ITPRIP: variants seen among roughly 807,000 people sequenced by gnomAD.
The protein encoded by ITPRIP is inositol 1,4,5-trisphosphate receptor-interacting protein.
Under a neutral mutation model 35.8 loss-of-function variants are expected in ITPRIP, and 32 were observed. The ratio of observed to expected loss-of-function variants is 0.89; its 90% CI spans 0.68 to 1.20. ITPRIP has a LOEUF of 1.20. ITPRIP is among the 50% of genes most tolerant of loss of function. ITPRIP has a pLI of 0.00. For missense variants in ITPRIP, 653 were observed against 735.6 expected (o/e 0.89, Z 1.30); for synonymous variants, 358 against 324.0 (o/e 1.11, Z -1.13).
At position 104,314,287 on chromosome 10, in the gene ITPRIP, G is replaced by A. The variant is rs1453298652; in HGVS notation, c.*121C>T. The A allele has an allele frequency of 1.3e-6, 2 of 1,507,870 alleles. No homozygotes were observed. Among genetic ancestry groups the A allele is most frequent in the East Asian group, 4.6e-5 (2 of 43,918 alleles). The allele number at this position is 1,507,870 out of a possible 1,614,324, so 93.4% of individuals were successfully genotyped here. A position where few individuals can be genotyped will look rare whatever the true frequency, so the allele number is the denominator to read the frequency against. ...GTAGGGCTTGGCTTCCTGGCAGGCT[G>A]AGCACGGCTCCCACGAAAGCCCGCC... On this transcript the variant is annotated 3_prime_UTR_variant, in exon 2 of 2. Transcript: ENST00000337478.
intron 1 of ITPRIP, among the ~76,000 whole-genome samples, chr10:104,334,395 C>A (rs998041870): frequency 6.6e-6 from 1 of 152,220 alleles, no homozygotes. Context: ...TTCTATTGAT[C>A]CATCCAGGTT....
At position 104,312,873 on chromosome 10, in the gene ITPRIP, C is replaced by A; in HGVS notation, c.*1535G>T. 3 of 985,354 alleles carry A rather than the reference C, an allele frequency of 3.0e-6. No homozygotes were observed. Among genetic ancestry groups the A allele is most frequent in the Non-Finnish European group, 3.6e-6 (3 of 829,932 alleles). The allele number at this position is 985,354 out of a possible 1,614,324, so 61.0% of individuals were successfully genotyped here. On this transcript the variant is annotated 3_prime_UTR_variant, in exon 2 of 2. Coordinates refer to ENST00000337478, the MANE Select transcript of ITPRIP (RefSeq NM_001272013.2). Reference sequence around the variant, plus strand: ...GGCCGGCTTAAACCCTGGAGGAACACGGTATATTCTTGACTCCCTGGCCCC... The same window carrying A: ...GGCCGGCTTAAACCCTGGAGGAACAAGGTATATTCTTGACTCCCTGGCCCC...
chr10:104,324,185 C>T (rs1347060682), intron 1 of ITPRIP, among the ~76,000 whole-genome samples: 4 of 152,184 alleles, frequency 2.6e-5, no homozygotes, highest in East Asian at 1.9e-4. Context: ...TGTCACTGCT[C>T]AGCCTGATTG....
Position 104,315,320 on chromosome 10 carries a change from C to T in ITPRIP, c.732G>A (p.Lys244=), listed in dbSNP as rs1366762825. The change falls in exon 2 of 2, where the codon AAG becomes AAA. Residue 244 remains lysine, a synonymous_variant. Transcript: ENST00000337478. The surrounding 1 kb of genome is among the most constrained non-coding windows in gnomAD (Gnocchi z 5.7). ...PLDRQGYGQI[K]VVRADGDTLS... ...ATGTGTCCCCATCGGCGCGGACCAC[C>T]TTGATCTGGCCGTAGCCCTGGCGAT... 4 of 1,572,700 alleles carry T rather than the reference C, an allele frequency of 2.5e-6. No homozygotes were observed. Among genetic ancestry groups the T allele is most frequent in the African/African-American group, 1.3e-5 (1 of 74,206 alleles).
At chr10:104,319,370 C>A (rs954055598) in intron 1 of ITPRIP, among the ~76,000 whole-genome samples, 1 of 152,184 alleles carries the variant, frequency 6.6e-6, no homozygotes, top group Non-Finnish European at 1.5e-5. Flanking sequence ...GAGCCCCAGG[C>A]ATGGGGAGTA....
Position 104,314,711 on chromosome 10 carries a change from G to A in ITPRIP, c.1341C>T (p.Ala447=), listed in dbSNP as rs777652762. ...LLHLLLLRQA[A]DWKAGQLDAR... ...CGTCCAGCTGCCCCGCCTTCCAGTC[G>A]GCGGCCTGCCGGAGGAGTAGGAGGT... is the stretch of plus-strand genomic sequence containing the variant. The change falls in exon 2 of 2, where the codon GCC becomes GCT. Residue 447 remains alanine, a synonymous_variant. Coordinates refer to ENST00000337478, the MANE Select transcript of ITPRIP (RefSeq NM_001272013.2). The A allele has an allele frequency of 1.3e-5, 21 of 1,613,626 alleles. No individual in the cohort carries two copies. The highest frequency in any genetic ancestry group is 8.9e-5 in the East Asian group (4 of 44,880).
Position 104,328,150 on chromosome 10 carries a change from C to A in ITPRIP, c.-14+10096G>T. ...GGAAGGATGCCTCTCCCACAGCCAG[C>A]CTGCAGGGGAAGGTCTCCCTCAGCC... On this transcript the variant is annotated intron_variant, in intron 1 of 1. Coordinates refer to ENST00000337478, the MANE Select transcript of ITPRIP (RefSeq NM_001272013.2). This position sits in a 1 kb window ranked among gnomAD's most constrained non-coding sequence, Gnocchi z 4.1. The A allele has an allele frequency of 1.1e-6, 1 of 883,340 alleles. No homozygotes were observed. The highest frequency in any genetic ancestry group is 5.2e-5 in the South Asian group (1 of 19,246). The allele number at this position is 883,340 out of a possible 1,614,324, so 54.7% of individuals were successfully genotyped here.
chr10:104,330,373 C>T (rs999788259), intron 1 of ITPRIP, among the ~76,000 whole-genome samples: 1 of 152,216 alleles, frequency 6.6e-6, no homozygotes. Flanking sequence ...AAAATCCCTT[C>T]CAGCAAAATC....
chr10:104,314,688 T>G lies in ITPRIP; in HGVS notation c.1364A>C (p.Asp455Ala). ...GCACAGCAACTCGTGCAGACGAGCG[T>G]CCAGCTGCCCCGCCTTCCAGTCGGC... ...QAADWKAGQLDARLHELLCFL... is the reference protein window; with the variant it reads ...QAADWKAGQLAARLHELLCFL... Residue 455 changes from aspartate (D) to alanine (A), a missense_variant, in exon 2 of 2, where the codon GAC becomes GCC. Asp to Ala is a moderately radical substitution (Grantham distance 126). Coordinates refer to ENST00000337478, the MANE Select transcript of ITPRIP (RefSeq NM_001272013.2). The G allele has an allele frequency of 6.2e-7, 1 of 1,613,808 alleles. No homozygotes were observed. Among genetic ancestry groups the G allele is most frequent in the East Asian group, 2.2e-5 (1 of 44,876 alleles).
intron 1 of ITPRIP, among the ~76,000 whole-genome samples, chr10:104,318,641 A>C (rs1036367381): frequency 5.9e-5 from 9 of 152,316 alleles, no homozygotes; most frequent in African/African-American, 2.2e-4. Flanking sequence ...GGCACAGGCA[A>C]GGTTCAGAAC....
At position 104,311,814 on chromosome 10, in the gene ITPRIP, A is replaced by T. The variant is rs1385838605; in HGVS notation, c.*2594T>A. 2 of 152,168 alleles carry T rather than the reference A, an allele frequency of 1.3e-5. No individual in the cohort carries two copies. Among genetic ancestry groups the T allele is most frequent in the African/African-American group, 4.8e-5 (2 of 41,420 alleles). The allele number at this position is 152,168 out of a possible 1,614,324, so 9.4% of individuals were successfully genotyped here. A position where few individuals can be genotyped will look rare whatever the true frequency, so the allele number is the denominator to read the frequency against. On this transcript the variant is annotated 3_prime_UTR_variant, in exon 2 of 2. Coordinates refer to ENST00000337478, the MANE Select transcript of ITPRIP (RefSeq NM_001272013.2). ...ATTTAAAATACAATCTCTTTCTTTA[A>T]AACCCAAAAGCTTCCTGTTAGTTCC...
rs2013640162 is a variant in ITPRIP, at chr10:104,315,437, T to C, written c.615A>G (p.Pro205=). 2.0e-5 allele frequency: 32 copies of C among 1,605,552 alleles called. No homozygotes were observed. The highest frequency in any genetic ancestry group is 2.6e-5 in the Non-Finnish European group (31 of 1,174,300). The change falls in exon 2 of 2, where the codon CCA becomes CCG. Residue 205 remains proline, a synonymous_variant. Coordinates refer to ENST00000337478, the MANE Select transcript of ITPRIP (RefSeq NM_001272013.2). This position sits in a 1 kb window ranked among gnomAD's most constrained non-coding sequence, Gnocchi z 5.7. ...SMYENWQVDR[P]LLCHLFVPFT... is the part of the protein sequence containing the mutation. ...AGGGCACGAAAAGGTGGCACAGCAGTGGCCTGTCCACCTGCCAGTTCTCGT... is the reference window on the plus strand; with the variant it reads ...AGGGCACGAAAAGGTGGCACAGCAGCGGCCTGTCCACCTGCCAGTTCTCGT...
chr10:104,328,283 G>A lies in ITPRIP; in HGVS notation c.-14+9963C>T, dbSNP rs74154787. 5,350 of 985,316 alleles carry A rather than the reference G, an allele frequency of 5.4e-3. 168 individuals carry two copies. In the African/African-American group the frequency reaches 0.076, roughly 14 times the overall value. 61.0% of individuals were successfully genotyped at this position (985,316 alleles called of 1,614,324 possible). A position where few individuals can be genotyped will look rare whatever the true frequency, so the allele number is the denominator to read the frequency against. On this transcript the variant is annotated intron_variant, in intron 1 of 1. Transcript: ENST00000337478. This position sits in a 1 kb window ranked among gnomAD's most constrained non-coding sequence, Gnocchi z 4.1. ...GCTTGGTCTGGGCTCGTATTCCTCC[G>A]AATTTCCCCTAGCCCTGTGGCCGCA...
chr10:104,332,973 T>A (rs1424475674), intron 1 of ITPRIP, among the ~76,000 whole-genome samples: 1 of 152,238 alleles, frequency 6.6e-6, no homozygotes, highest in Non-Finnish European at 1.5e-5. Context: ...AGGCCATGCA[T>A]AACAGATACA....
rs888046183 is a variant in ITPRIP at position 104,311,502 on chromosome 10, A to C, written c.*2906T>G. ...AGGTTGTCTGGGTGATTCGGATGAC[A>C]CCCTTGATGATGAACCAGAGCTCCA... On this transcript the variant is annotated 3_prime_UTR_variant, in exon 2 of 2. Transcript: ENST00000337478. The C allele has an allele frequency of 1.3e-5, 2 of 152,146 alleles. No homozygotes were observed. The highest frequency in any genetic ancestry group is 2.9e-5 in the Non-Finnish European group (2 of 68,058). The allele number at this position is 152,146 out of a possible 1,614,324, so 9.4% of individuals were successfully genotyped here. A position where few individuals can be genotyped will look rare whatever the true frequency, so the allele number is the denominator to read the frequency against.
At position 104,315,362 on chromosome 10, in the gene ITPRIP, G is replaced by C; in HGVS notation, c.690C>G (p.Gly230=). ...CCTGGCGATCCAGGGGCACTGAGCG[G>C]CCGGAGCACCAGAGCTCTGGGTGGA... The part of the protein sequence containing the change: ...YRFHPELWCS[G]RSVPLDRQGY... The change falls in exon 2 of 2, where the codon GGC becomes GGG. Residue 230 remains glycine, a synonymous_variant. Transcript: ENST00000337478. The surrounding 1 kb of genome is among the most constrained non-coding windows in gnomAD (Gnocchi z 5.7). 1 of 1,562,166 alleles carries C rather than the reference G, an allele frequency of 6.4e-7. No individual in the cohort carries two copies. The highest frequency in any genetic ancestry group is 8.7e-7 in the Non-Finnish European group (1 of 1,150,932).
At chr10:104,331,189 G>A (rs979663209) in intron 1 of ITPRIP, among the ~76,000 whole-genome samples, 4 of 152,196 alleles carry the variant, frequency 2.6e-5, no homozygotes, top group Non-Finnish European at 5.9e-5. Context: ...GTCAGGAAGC[G>A]GCATGGGTAC....
In ITPRIP at chr10:104,332,621, G is replaced by A. The variant is rs766817515; in HGVS notation, c.-14+5625C>T. 1.6e-4 allele frequency among the ~76,000 whole-genome samples: 24 copies of A among 152,124 alleles called. 1 individual carries two copies. Among genetic ancestry groups the A allele is most frequent in the South Asian group, 6.2e-4 (3 of 4,824 alleles). On this transcript the variant is annotated intron_variant, in intron 1 of 1. Coordinates refer to ENST00000337478, the MANE Select transcript of ITPRIP (RefSeq NM_001272013.2). Reference sequence around the variant, plus strand: ...CAGGCATCACCTGATAAGATGTGGCGGAAACACAGGTCACCAAGTTAAGAG... The same window carrying A: ...CAGGCATCACCTGATAAGATGTGGCAGAAACACAGGTCACCAAGTTAAGAG...
chr10:104,321,899 A>G (rs1389270397), intron 1 of ITPRIP, among the ~76,000 whole-genome samples: 1 of 152,016 alleles, frequency 6.6e-6, no homozygotes, highest in Non-Finnish European at 1.5e-5. Context: ...ACTGTGCTAC[A>G]TGTACGGAGC....
Sources: gnomAD v4.1 joint callset for allele counts (sites outside exome capture counted in the v4.1 genomes callset) on GRCh38, gnomAD v4.1.1 for gene constraint, Gnocchi (gnomAD v3.1) non-coding constraint, MANE v1.5 for transcripts, NCBI Gene and HGNC (gene_info 2026-07-23, HGNC 2026-07-21) for gene names.